Variants in SYN3 observed in about 807,000 individuals in gnomAD.
The protein encoded by SYN3 is synapsin-3.
A neutral mutation model predicts 65.8 loss-of-function variants in SYN3; 35 were observed. The observed-to-expected ratio is 0.53, with a 90% CI of 0.41 to 0.70. The LOEUF is 0.70. Ranked by LOEUF, SYN3 falls within the 30% of genes least tolerant of loss-of-function variation. SYN3 has a pLI of 0.00. For synonymous variants in SYN3, 270 were observed against 292.9 expected, an observed-to-expected ratio of 0.92 and a Z score of 0.80; for missense variants, 680 against 749.0, an observed-to-expected ratio of 0.91 and a Z score of 1.08.
chr22:32,788,110 G>C (rs1052552305), intron 6 of SYN3, among the ~76,000 whole-genome samples: 1 of 151,890 alleles, frequency 6.6e-6, no homozygotes, highest in African/African-American at 2.4e-5. Flanking sequence ...ATATGATCTC[G>C]TTTTTTTTCT....
rs367813929 is a variant in SYN3 at position 32,857,160 on chromosome 22, C to T, written c.711+7755G>A. ...CTCTTCCATATTCCGATTTCCTTTC[C>T]TTTGGATACATACCCAGCAGTGGGA... On this transcript the variant is annotated intron_variant, in intron 6 of 13. Transcript: ENST00000358763. 1.1e-5 allele frequency: 11 copies of T among 1,012,824 alleles called. No individual in the cohort carries two copies. The African/African-American group carries it at 1.3e-4, about 12-fold the overall frequency. 62.7% of individuals were successfully genotyped at this position (1,012,824 alleles called of 1,614,324 possible). A position where few individuals can be genotyped will look rare whatever the true frequency, so the allele number is the denominator to read the frequency against.
At chr22:32,527,773 C>G (rs1332273441) in intron 12 of SYN3, 145 bp downstream of exon 12, 1 of 668,396 alleles carries the variant, frequency 1.5e-6, no homozygotes, top group Non-Finnish European at 2.5e-6. Flanking sequence ...AGAGTTTGAC[C>G]AACCCCATAG....
At chr22:32,867,616 C>G (rs1360911995) in intron 5 of SYN3, among the ~76,000 whole-genome samples, 1 of 152,140 alleles carries the variant, frequency 6.6e-6, no homozygotes, top group Non-Finnish European at 1.5e-5. Flanking sequence ...TGGAGTCTTG[C>G]TCTGTCACCA....
intron 2 of SYN3, among the ~76,000 whole-genome samples, chr22:33,000,131 C>T (rs1225702730): frequency 6.6e-6 from 1 of 152,078 alleles, no homozygotes; most frequent in Non-Finnish European, 1.5e-5. Context: ...TTTGGGAAGC[C>T]GAAGTGGGAG....
At chr22:32,645,546 C>T (rs949472032) in intron 6 of SYN3, among the ~76,000 whole-genome samples, 10 of 151,896 alleles carry the variant, frequency 6.6e-5, no homozygotes, top group African/African-American at 1.7e-4. Flanking sequence ...ACAAGTAATA[C>T]GTGCTTTCGT....
At chr22:32,914,610 T>A (rs2050142066) in intron 4 of SYN3, among the ~76,000 whole-genome samples, 2 of 151,820 alleles carry the variant, frequency 1.3e-5, no homozygotes, top group Admixed American at 6.6e-5. Context: ...GCTAATTTTT[T>A]TTTTTGTATT....
chr22:32,657,224 C>T (rs1042015772), intron 6 of SYN3, among the ~76,000 whole-genome samples: 4 of 151,938 alleles, frequency 2.6e-5, no homozygotes, highest in Admixed American at 2.0e-4. Flanking sequence ...CCCGGGTTCA[C>T]GCCATTCTCC....
rs1022439329 is a variant in SYN3, at chr22:32,510,464, T to C, written c.*3228A>G. Among the ~76,000 whole-genome samples, 8 of 152,190 alleles carry C rather than the reference T, an allele frequency of 5.3e-5. No homozygotes were observed. Among genetic ancestry groups the C allele is most frequent in the African/African-American group, 1.9e-4 (8 of 41,444 alleles). On this transcript the variant is annotated 3_prime_UTR_variant, in exon 14 of 14. Transcript: ENST00000358763. ...ATTACTAAGTGAAAACTGGGTGAGATTGTTGAAGAGGGACGATTGCCACAG... is the reference window on the plus strand; with the variant it reads ...ATTACTAAGTGAAAACTGGGTGAGACTGTTGAAGAGGGACGATTGCCACAG...
rs577817907 is a variant in SYN3, at chr22:32,984,317, G to A, written c.312-3615C>T. ...GAATTCTTTGCACTCTACCCAGCACGTGGCAGCACAAGGATTGCCAGCTCT... is the reference window on the plus strand; with the variant it reads ...GAATTCTTTGCACTCTACCCAGCACATGGCAGCACAAGGATTGCCAGCTCT... On this transcript the variant is annotated intron_variant, in intron 2 of 13. Transcript: ENST00000358763. 1.5e-4 allele frequency among the ~76,000 whole-genome samples: 23 copies of A among 152,190 alleles called. No individual in the cohort carries two copies. In the South Asian group the frequency reaches 4.6e-3, roughly 30 times the overall value.
At chr22:32,575,797 T>G (rs544480687) in intron 7 of SYN3, among the ~76,000 whole-genome samples, 1 of 152,250 alleles carries the variant, frequency 6.6e-6, no homozygotes, top group African/African-American at 2.4e-5. Context: ...AATAGCAGCT[T>G]TGTTTATTTG....
chr22:32,694,703 G>T (rs2060712572), intron 6 of SYN3, among the ~76,000 whole-genome samples: 1 of 152,186 alleles, frequency 6.6e-6, no homozygotes, highest in Non-Finnish European at 1.5e-5. Flanking sequence ...AGTATGCATG[G>T]ATTTTGGTAT....
In SYN3 at chr22:33,016,700, T is replaced by C. The variant is rs545165676; in HGVS notation, c.-162-9876A>G. On this transcript the variant is annotated intron_variant, in intron 1 of 13. Coordinates refer to ENST00000358763, the MANE Select transcript of SYN3 (RefSeq NM_003490.4). ...TATATCTGTTAGCCACTTGTATGTC[T>C]TCTTTTGAGAAATGTCTATTTGGTT... 3.1e-4 allele frequency among the ~76,000 whole-genome samples: 47 copies of C among 152,362 alleles called. 1 individual carries two copies. The South Asian group carries it at 4.6e-3, about 15-fold the overall frequency.
At chr22:32,895,521 A>G (rs1363600955) in intron 4 of SYN3, among the ~76,000 whole-genome samples, 1 of 152,212 alleles carries the variant, frequency 6.6e-6, no homozygotes, top group African/African-American at 2.4e-5. Flanking sequence ...GAATGACAGG[A>G]AAGAATGGCA....
chr22:33,024,327 G>T (rs1224050260), intron 1 of SYN3, among the ~76,000 whole-genome samples: 1 of 152,084 alleles, frequency 6.6e-6, no homozygotes, highest in African/African-American at 2.4e-5. Context: ...CATATCATCT[G>T]GGGAACTTTC....
chr22:32,515,988 T>G (rs767953275), intron 13 of SYN3, among the ~76,000 whole-genome samples: 1 of 152,042 alleles, frequency 6.6e-6, no homozygotes, highest in Non-Finnish European at 1.5e-5. Context: ...TTAGGAGAGA[T>G]GGGGTTTCAC....
chr22:32,668,551 C>T (rs2147051376), intron 6 of SYN3, among the ~76,000 whole-genome samples: 1 of 152,182 alleles, frequency 6.6e-6, no homozygotes, highest in African/African-American at 2.4e-5. Context: ...CCTCTTCCTT[C>T]CTCCTCCTTC....
intron 1 of SYN3, among the ~76,000 whole-genome samples, chr22:33,044,956 C>G (rs554733963): frequency 6.6e-6 from 1 of 151,820 alleles, no homozygotes; most frequent in Non-Finnish European, 1.5e-5. Context: ...GACTCTCCTG[C>G]CTCCGCCTCC....
chr22:32,814,309 G>A (rs13058458), intron 6 of SYN3, among the ~76,000 whole-genome samples: 1 of 4,002 alleles, frequency 2.5e-4, no homozygotes, highest in African/African-American at 1.3e-3. Context: ...AGGAGAGAGA[G>A]AGAGAGACAG....
rs879196572 is a variant in SYN3 at position 32,676,528 on chromosome 22, C to CTTTT, written c.712-79796_712-79793dup. 3.0e-3 allele frequency among the ~76,000 whole-genome samples: 266 copies of CTTTT among 88,924 alleles called. 1 individual carries two copies. The highest frequency in any genetic ancestry group is 4.0e-3 in the Non-Finnish European group (202 of 49,922). The allele number at this position is 88,924 out of a possible 152,430, so 58.3% of individuals were successfully genotyped here. A position where few individuals can be genotyped will look rare whatever the true frequency, so the allele number is the denominator to read the frequency against. The stretch of plus-strand genomic sequence containing the variant: ...CCATTTTCTTTCTTTTCTTTTCTTT[C>CTTTT]TTTTTTTTTTTTTTTTTTTTTTTTT... On this transcript the variant is annotated intron_variant, in intron 6 of 13. Transcript: ENST00000358763.
Sources: gnomAD v4.1 joint callset for allele counts (sites outside exome capture counted in the v4.1 genomes callset) on GRCh38, gnomAD v4.1.1 for gene constraint, MANE v1.5 for transcripts, NCBI Gene and HGNC (gene_info 2026-07-23, HGNC 2026-07-21) for gene names.